KAZN: variants seen among roughly 807,000 people sequenced by gnomAD.
The protein encoded by KAZN is kazrin, periplakin interacting protein, also known as kazrin.
A neutral mutation model predicts 87.4 loss-of-function variants in KAZN; 40 were observed. The ratio of observed to expected loss-of-function variants is 0.46; its 90% confidence interval spans 0.36 to 0.60. KAZN has a LOEUF of 0.60. KAZN is among the 20% of genes least tolerant of loss of function. The pLI, the probability that KAZN is intolerant of heterozygous loss-of-function variation, is 0.00. For synonymous variants in KAZN, 466 were observed against 458.3 expected, an observed-to-expected ratio of 1.02 and a Z score of -0.22; for missense variants, 898 against 1,073.9, an observed-to-expected ratio of 0.84 and a Z score of 2.29.
chr1:14,335,000 G>A (rs1460068919), intron 2 of KAZN, among the ~76,000 whole-genome samples: 3 of 152,074 alleles, frequency 2.0e-5, no homozygotes, highest in African/African-American at 7.2e-5. Flanking sequence ...TATGGTTTAG[G>A]TGTTTGTCCC....
chr1:14,785,746 T>C (rs1256889157), intron 1 of KAZN, among the ~76,000 whole-genome samples: 5 of 152,178 alleles, frequency 3.3e-5, no homozygotes, highest in Non-Finnish European at 7.3e-5. Context: ...ATAATATACT[T>C]CCACCTCTTT....
At chr1:14,460,159 A>T (rs1667782966) in intron 2 of KAZN, among the ~76,000 whole-genome samples, 1 of 152,194 alleles carries the variant, frequency 6.6e-6, no homozygotes, top group Admixed American at 6.5e-5. Flanking sequence ...TAGCATCACC[A>T]TTCTGACAGG....
At chr1:14,838,330 T>A (rs1647521722) in intron 1 of KAZN, among the ~76,000 whole-genome samples, 1 of 152,204 alleles carries the variant, frequency 6.6e-6, no homozygotes. Flanking sequence ...AAATTTAAGA[T>A]CATAGCAGCA....
intron 1 of KAZN, among the ~76,000 whole-genome samples, chr1:14,678,783 C>G (rs571706948): frequency 3.0e-4 from 45 of 152,216 alleles, no homozygotes; most frequent in African/African-American, 9.6e-4. Flanking sequence ...TTGCCTGGCT[C>G]TCAGCAAGGG....
intron 4 of KAZN, among the ~76,000 whole-genome samples, chr1:15,048,655 C>CCTTGGTCGTT (rs1557754334): frequency 9.1e-5 from 8 of 88,286 alleles, no homozygotes; most frequent in African/African-American, 3.8e-4. Context: ...CCTGGGTCGT[C>CCTTGGTCGTT]GGTCCTGGGT....
At chr1:14,920,274 C>CTTTT (rs1334857235) in intron 1 of KAZN, among the ~76,000 whole-genome samples, 3 of 75,546 alleles carry the variant, frequency 4.0e-5, no homozygotes, top group South Asian at 4.0e-4. Context: ...AGCCTCTTTT[C>CTTTT]TGTTTTTTTT....
intron 2 of KAZN, among the ~76,000 whole-genome samples, chr1:14,303,959 A>G (rs954485943): frequency 6.6e-6 from 1 of 152,004 alleles, no homozygotes; most frequent in African/African-American, 2.4e-5. Context: ...TCAATAAACA[A>G]CCCTTCCTCC....
chr1:14,613,061 T>C (rs796254229), intron 1 of KAZN, among the ~76,000 whole-genome samples: 5 of 152,318 alleles, frequency 3.3e-5, no homozygotes, highest in African/African-American at 1.2e-4. Context: ...CTATGTTGCT[T>C]AGAAGCCTTG....
chr1:14,081,796 A>G (rs1216439811), intron 1 of KAZN, among the ~76,000 whole-genome samples: 1 of 152,114 alleles, frequency 6.6e-6, no homozygotes, highest in Non-Finnish European at 1.5e-5. Flanking sequence ...TCTTTTGTCC[A>G]GTCTGGAGTG....
At chr1:14,694,143 G>A (rs1641473761) in intron 1 of KAZN, among the ~76,000 whole-genome samples, 1 of 152,202 alleles carries the variant, frequency 6.6e-6, no homozygotes, top group Non-Finnish European at 1.5e-5. Context: ...TGCTGAAGCT[G>A]CAAAACACTG....
chr1:14,586,423 C>T (rs1287103562), intron 2 of KAZN, among the ~76,000 whole-genome samples: 1 of 152,016 alleles, frequency 6.6e-6, no homozygotes, highest in East Asian at 1.9e-4. Flanking sequence ...ATTGCTACTC[C>T]ATGTGTAGGT....
rs567391599 is a variant in KAZN, at chr1:14,511,763, A to T, written c.250-87220A>T. On this transcript the variant is annotated intron_variant, in intron 2 of 16. Coordinates refer to the KAZN transcript ENST00000636203. ...TTTGGATAAATATTAAATGATCCAC[A>T]AAGTCAGATCTTGTTAACACAGGAA... Among the ~76,000 whole-genome samples, 5 of 152,346 alleles carry T rather than the reference A, an allele frequency of 3.3e-5. No individual in the cohort carries two copies. The East Asian group carries it at 9.6e-4, about 29-fold the overall frequency.
At chr1:13,976,391 T>C (rs1353134750) in intron 1 of KAZN, among the ~76,000 whole-genome samples, 1 of 152,110 alleles carries the variant, frequency 6.6e-6, no homozygotes, top group Admixed American at 6.5e-5. Flanking sequence ...ATGACCTCCT[T>C]GTCAAGAAAA....
chr1:14,921,589 G>A (rs968428104), intron 1 of KAZN, among the ~76,000 whole-genome samples: 1 of 152,178 alleles, frequency 6.6e-6, no homozygotes, highest in Non-Finnish European at 1.5e-5. Context: ...TACAGGGGCC[G>A]GTGGCCTCAT....
chr1:15,045,572 T>C (rs1257313324), intron 4 of KAZN, among the ~76,000 whole-genome samples: 1 of 152,248 alleles, frequency 6.6e-6, no homozygotes, highest in Admixed American at 6.5e-5. Context: ...ATCTTTTGTG[T>C]GTTCACTGTG....
intron 1 of KAZN, among the ~76,000 whole-genome samples, chr1:14,885,902 C>T (rs1025329099): frequency 6.6e-6 from 1 of 152,140 alleles, no homozygotes; most frequent in East Asian, 1.9e-4. Context: ...GGTTTCTCAA[C>T]TTCAGATCCA....
intron 1 of KAZN, among the ~76,000 whole-genome samples, chr1:13,941,832 C>G (rs1640939467): frequency 6.6e-6 from 1 of 152,160 alleles, no homozygotes; most frequent in African/African-American, 2.4e-5. Context: ...AGGCAGCCAG[C>G]ACTTAGGGAG....
At chr1:14,455,865 T>C (rs1451512707) in intron 2 of KAZN, among the ~76,000 whole-genome samples, 3 of 152,228 alleles carry the variant, frequency 2.0e-5, no homozygotes, top group African/African-American at 7.2e-5. Context: ...GGTCATTTTC[T>C]GTGAACTTTC....
At chr1:14,167,305 GAA>G (rs1455186480) in intron 1 of KAZN, among the ~76,000 whole-genome samples, 2 of 152,304 alleles carry the variant, frequency 1.3e-5, no homozygotes, top group Non-Finnish European at 2.9e-5. Flanking sequence ...ATCCTAGAGA[GAA>G]TCGCCTCCCC....
Sources: allele counts gnomAD v4.1 joint callset (sites outside exome capture counted in the v4.1 genomes callset), GRCh38; gene constraint gnomAD v4.1.1; transcripts MANE v1.5; gene names NCBI Gene and HGNC (gene_info 2026-07-23, HGNC 2026-07-21).